PTGIR: variants seen among roughly 807,000 people sequenced by gnomAD.
PTGIR encodes the protein prostaglandin I2 receptor.
PTGIR carries 16 observed loss-of-function variants against 17.6 expected under a neutral mutation model. The ratio of observed to expected loss-of-function variants is 0.91; its 90% CI spans 0.61 to 1.38. The LOEUF is 1.38. Ranked by LOEUF, PTGIR falls within the 40% of genes most tolerant of loss-of-function variation. The pLI is 0.00. For missense variants in PTGIR, 532 were observed against 548.6 expected, an observed-to-expected ratio of 0.97 and a Z score of 0.30; for synonymous variants, 274 against 255.4, an observed-to-expected ratio of 1.07 and a Z score of -0.69.
chr19:46,618,019 T>TC (rs1308433418), downstream of PTGIR, among the ~76,000 whole-genome samples: 2 of 144,404 alleles, frequency 1.4e-5, no homozygotes, highest in East Asian at 3.9e-4. Context: ...TTGTAATTTT[T>TC]TTTTTTTTTT....
Position 46,621,204 on chromosome 19 carries a change from C to T in PTGIR, c.*76G>A. ...GGGGCCAAGGTTCCAGCATCCGCAG[C>T]CATCAGCCATGTCCCTGATTTTCTG... On this transcript the variant is annotated 3_prime_UTR_variant, in exon 3 of 3. Transcript: ENST00000291294. This position sits in a 1 kb window ranked among gnomAD's most constrained non-coding sequence, Gnocchi z 4.8. 5 of 1,444,752 alleles carry T rather than the reference C, an allele frequency of 3.5e-6. No homozygotes were observed. Among genetic ancestry groups the T allele is most frequent in the Middle Eastern group, 1.9e-4 (1 of 5,250 alleles). The allele number at this position is 1,444,752 out of a possible 1,614,324, so 89.5% of individuals were successfully genotyped here.
downstream of PTGIR, among the ~76,000 whole-genome samples, chr19:46,619,547 AAGAGAGAGAGAGAGAGAG>A (rs200797814): frequency 5.8e-4 from 51 of 87,904 alleles, 1 homozygote; most frequent in African/African-American, 2.0e-3. Context: ...GAAAGAAAGA[AAGAGAGAGAGAGAGAGAG>A]AGAGAGAGAG....
chr19:46,611,887 G>C, the PTGIR span, among the ~76,000 whole-genome samples: 1 of 152,246 alleles, frequency 6.6e-6, no homozygotes. Context: ...GTGGAGCAGA[G>C]ACAGAAGTCA....
chr19:46,624,255 T>C lies in PTGIR; in HGVS notation c.-12-18A>G. 1 of 1,417,618 alleles carries C rather than the reference T, an allele frequency of 7.1e-7. No homozygotes were observed. The highest frequency in any genetic ancestry group is 9.2e-7 in the Non-Finnish European group (1 of 1,091,672). The allele number at this position is 1,417,618 out of a possible 1,614,324, so 87.8% of individuals were successfully genotyped here. A position where few individuals can be genotyped will look rare whatever the true frequency, so the allele number is the denominator to read the frequency against. On this transcript the variant is annotated intron_variant, in intron 1 of 2. Coordinates refer to ENST00000291294, the MANE Select transcript of PTGIR (RefSeq NM_000960.4). The stretch of plus-strand genomic sequence containing the variant: ...GGTCTGGGCTGGAGGGTTCCCAAGG[T>C]GGGGGGTCAGAGGGAGCCAGGGCTA...
the PTGIR span, among the ~76,000 whole-genome samples, chr19:46,615,030 C>T: frequency 6.6e-6 from 1 of 151,776 alleles, no homozygotes; most frequent in African/African-American, 2.4e-5. Context: ...CCCCACCCCC[C>T]CAAAAAAAAT....
downstream of PTGIR, among the ~76,000 whole-genome samples, chr19:46,619,164 A>C (rs1039140000): frequency 3.3e-5 from 5 of 152,012 alleles, no homozygotes; most frequent in Admixed American, 2.6e-4. Flanking sequence ...GGACAGGTGG[A>C]TTATCATCTC....
Position 46,624,024 on chromosome 19 carries a change from T to C in PTGIR, c.202A>G (p.Ser68Gly). The change falls in exon 2 of 3, where the codon AGC becomes GGC. Residue 68 changes from serine (S) to glycine (G), a missense_variant. By Grantham distance (56) the Ser-to-Gly change is moderately conservative. Coordinates refer to ENST00000291294, the MANE Select transcript of PTGIR (RefSeq NM_000960.4). ...ATDLLGTSFL[S>G]PAVFVAYARN... ...GCATAGGCCACGAACACGGCCGGGC[T>C]CAGGAAGCTGGTGCCCAGCAGGTCG... 1 of 1,541,336 alleles carries C rather than the reference T, an allele frequency of 6.5e-7. No homozygotes were observed. Among genetic ancestry groups the C allele is most frequent in the Non-Finnish European group, 8.7e-7 (1 of 1,143,434 alleles).
chr19:46,618,971 T>C (rs1490863573), downstream of PTGIR, among the ~76,000 whole-genome samples: 1 of 152,224 alleles, frequency 6.6e-6, no homozygotes, highest in Non-Finnish European at 1.5e-5. Flanking sequence ...ATGGCAATCA[T>C]AGTGACATTT....
At chr19:46,619,517 GAA>G (rs774744767), downstream of PTGIR, among the ~76,000 whole-genome samples, 2,735 of 63,788 alleles carry the variant, frequency 0.043, 102 homozygotes, top group Middle Eastern at 0.084. Context: ...AAGAAAGAAA[GAA>G]AGAAAGAAAG....
chr19:46,618,722 C>T (rs1599767825), downstream of PTGIR, among the ~76,000 whole-genome samples: 1 of 152,154 alleles, frequency 6.6e-6, no homozygotes, highest in African/African-American at 2.4e-5. Flanking sequence ...TGTTGAGCAA[C>T]CCTCACTACT....
chr19:46,613,423 G>A, the PTGIR span, among the ~76,000 whole-genome samples: 7 of 130,246 alleles, frequency 5.4e-5, no homozygotes, highest in Non-Finnish European at 7.8e-5. Context: ...TGCAACTTCC[G>A]CCTCCCAGGT....
chr19:46,614,259 T>C, the PTGIR span: 1 of 577,650 alleles, frequency 1.7e-6, no homozygotes, highest in African/African-American at 2.1e-5. Context: ...TCCCAGAGGG[T>C]GGCTCTGGGG....
downstream of PTGIR, among the ~76,000 whole-genome samples, chr19:46,618,260 C>T (rs1243893514): frequency 1.3e-5 from 2 of 152,080 alleles, no homozygotes; most frequent in Non-Finnish European, 2.9e-5. Flanking sequence ...GTGATCCGCC[C>T]GCCTCGGCCT....
chr19:46,621,320 G>GACGTTCCC lies in PTGIR; in HGVS notation c.1113_1120dup (p.Ser374TrpfsTer21). 2 of 1,520,534 alleles carry GACGTTCCC rather than the reference G, an allele frequency of 1.3e-6. No individual in the cohort carries two copies. Among genetic ancestry groups the GACGTTCCC allele is most frequent in the Non-Finnish European group, 1.8e-6 (2 of 1,133,938 alleles). The allele number at this position is 1,520,534 out of a possible 1,614,324, so 94.2% of individuals were successfully genotyped here. On this transcript the variant is annotated frameshift_variant, in exon 3 of 3. Transcript: ENST00000291294. LOFTEE classifies it high-confidence loss of function. The surrounding 1 kb of genome is among the most constrained non-coding windows in gnomAD (Gnocchi z 4.8). ...GGCGACGCTGGCTTCTGCTTTGGAC[G>GACGTTCCC]ACGTTCCCACGGCGCTGCCGCTGGA...
At chr19:46,619,671 A>AAAAGAAAGAAAGAAAGC (rs1568676023), downstream of PTGIR, among the ~76,000 whole-genome samples, 4 of 144,972 alleles carry the variant, frequency 2.8e-5, no homozygotes, top group East Asian at 2.1e-4. Context: ...AGAAAGAAAG[A>AAAAGAAAGAAAGAAAGC]AAGAGGATTT....
In PTGIR at chr19:46,621,598, G is replaced by C. The variant is rs778174017; in HGVS notation, c.843C>G (p.Tyr281Ter). 6.2e-7 allele frequency: 1 copy of C among 1,613,792 alleles called. No homozygotes were observed. Among genetic ancestry groups the C allele is most frequent in the East Asian group, 2.2e-5 (1 of 44,886 alleles). ...AGGGGTCCAGGATGGGGTTGAAGGC[G>C]TAGAAGCGGAAGGCAAGGAGGTCCC... ...EMGDLLAFRF[Y>*]AFNPILDPWV... Residue 281 changes from tyrosine (Y) to a stop codon, truncating the protein, a stop_gained, in exon 3 of 3, where the codon TAC (tyrosine) becomes TAG (stop). Transcript: ENST00000291294. LOFTEE classifies it low-confidence loss of function (END_TRUNC). This position sits in a 1 kb window ranked among gnomAD's most constrained non-coding sequence, Gnocchi z 4.8.
downstream of PTGIR, among the ~76,000 whole-genome samples, chr19:46,617,328 T>C (rs1971977136): frequency 6.6e-6 from 1 of 152,060 alleles, no homozygotes; most frequent in African/African-American, 2.4e-5. Context: ...GGATCCCATC[T>C]AGGAGGAGTT....
rs200095263 is a variant in PTGIR at position 46,621,143 on chromosome 19, G to A, written c.*137C>T. 1.2e-4 allele frequency: 170 copies of A among 1,369,744 alleles called. No homozygotes were observed. The highest frequency in any genetic ancestry group is 1.5e-4 in the Non-Finnish European group (157 of 1,058,960). 84.8% of individuals were successfully genotyped at this position (1,369,744 alleles called of 1,614,324 possible). On this transcript the variant is annotated 3_prime_UTR_variant, in exon 3 of 3. Transcript: ENST00000291294. The surrounding 1 kb of genome is among the most constrained non-coding windows in gnomAD (Gnocchi z 4.8). ...CAGAGCCAGCAGCGACTGCCCTGCC[G>A]CAGGAGAAACAGCAGCTGATCGGCC...
In PTGIR at chr19:46,621,887, G is replaced by T; in HGVS notation, c.769-215C>A. 7.4e-7 allele frequency: 1 copy of T among 1,342,388 alleles called. No homozygotes were observed. 83.2% of individuals were successfully genotyped at this position (1,342,388 alleles called of 1,614,324 possible). A position where few individuals can be genotyped will look rare whatever the true frequency, so the allele number is the denominator to read the frequency against. Reference sequence around the variant, plus strand: ...AGATGCCTAAGGGGAGAGGGATGGGGGCCAGGTATGTGGGTCCCCCCACCC... The same window carrying T: ...AGATGCCTAAGGGGAGAGGGATGGGTGCCAGGTATGTGGGTCCCCCCACCC... On this transcript the variant is annotated intron_variant, in intron 2 of 2. Coordinates refer to ENST00000291294, the MANE Select transcript of PTGIR (RefSeq NM_000960.4). The surrounding 1 kb of genome is among the most constrained non-coding windows in gnomAD (Gnocchi z 4.8).
Sources: allele counts gnomAD v4.1 joint callset (sites outside exome capture counted in the v4.1 genomes callset), GRCh38; gene constraint gnomAD v4.1.1; non-coding constraint Gnocchi (gnomAD v3.1); transcripts MANE v1.5; gene names NCBI Gene and HGNC (gene_info 2026-07-23, HGNC 2026-07-21).